Variants in C12orf56 observed in about 807,000 individuals in gnomAD.
The protein encoded by C12orf56 is uncharacterized protein C12orf56.
C12orf56 carries 71 observed loss-of-function variants against 69.9 expected under a neutral mutation model. The ratio of observed to expected loss-of-function variants is 1.02; its 90% CI spans 0.84 to 1.24. C12orf56 has a LOEUF of 1.24. C12orf56 is among the 50% of genes most tolerant of loss of function. The pLI is 0.00. For synonymous variants in C12orf56, 276 were observed against 274.1 expected, an observed-to-expected ratio of 1.01 and a Z score of -0.07; for missense variants, 732 against 738.5, an observed-to-expected ratio of 0.99 and a Z score of 0.10.
At chr12:64,278,117 A>G (rs1171827555) in intron 8 of C12orf56, among the ~76,000 whole-genome samples, 2 of 152,162 alleles carry the variant, frequency 1.3e-5, no homozygotes, top group Non-Finnish European at 2.9e-5. Context: ...TTTCCAAAGG[A>G]CTTTTTATGG....
intron 6 of C12orf56, among the ~76,000 whole-genome samples, chr12:64,295,004 G>A (rs2038346506): frequency 6.6e-6 from 1 of 151,756 alleles, no homozygotes. Context: ...GGTTTCAAGC[G>A]ATTTCCTGTC....
intron 4 of C12orf56, among the ~76,000 whole-genome samples, chr12:64,313,274 A>AAAAAAAAAAGAAAGAAAGAAAG (rs762664621): frequency 1.2e-5 from 1 of 81,426 alleles, no homozygotes; most frequent in Non-Finnish European, 2.3e-5. Context: ...AAAAAAAAAA[A>AAAAAAAAAAGAAAGAAAGAAAG]AAAGAAAGAA....
At chr12:64,378,969 T>A (rs2039676763) in intron 1 of C12orf56, among the ~76,000 whole-genome samples, 1 of 151,564 alleles carries the variant, frequency 6.6e-6, no homozygotes, top group Non-Finnish European at 1.5e-5. Flanking sequence ...GAGAATCACT[T>A]GAACCCAGGA....
rs552877837 is a variant in C12orf56, at chr12:64,298,635, G to A, written c.1113+5000C>T. Among the ~76,000 whole-genome samples, 209 of 152,254 alleles carry A rather than the reference G, an allele frequency of 1.4e-3. 1 individual carries two copies. The highest frequency in any genetic ancestry group is 2.0e-3 in the Non-Finnish European group (134 of 68,012). On this transcript the variant is annotated intron_variant, in intron 6 of 12. Coordinates refer to ENST00000543942, the MANE Select transcript of C12orf56 (RefSeq NM_001170633.2). ...TTTCCCAGCACCATTTATTAAATAG[G>A]GAATCCTTTCCCCATTGCTTGTTTG...
intron 2 of C12orf56, among the ~76,000 whole-genome samples, chr12:64,346,379 C>G (rs1235723142): frequency 6.6e-6 from 1 of 152,080 alleles, no homozygotes. Flanking sequence ...TTATGCCCAC[C>G]CAGATAAAGG....
chr12:64,314,655 T>C (rs990024777), intron 4 of C12orf56, among the ~76,000 whole-genome samples: 10 of 152,126 alleles, frequency 6.6e-5, no homozygotes, highest in African/African-American at 2.4e-4. Flanking sequence ...TTTTTTTTTT[T>C]TGAGACGGAG....
At chr12:64,362,962 A>G (rs1175939306) in intron 1 of C12orf56, among the ~76,000 whole-genome samples, 1 of 152,140 alleles carries the variant, frequency 6.6e-6, no homozygotes, top group East Asian at 1.9e-4. Flanking sequence ...CCTCATCGCC[A>G]TCTTGGTTTT....
At chr12:64,382,870 C>CA (rs57099747) in intron 1 of C12orf56, among the ~76,000 whole-genome samples, 96,002 of 132,132 alleles carry the variant, frequency 0.73, 34,975 homozygotes, top group Non-Finnish European at 0.77. Context: ...GACTCCGTTT[C>CA]AAAAAAAAAA....
intron 5 of C12orf56, 137 bp downstream of exon 5, chr12:64,312,542 G>C: frequency 1.7e-6 from 1 of 592,642 alleles, no homozygotes; most frequent in South Asian, 2.2e-5. Context: ...CCAGGAGGTA[G>C]AGGTTGCAGT....
At chr12:64,301,189 C>T (rs1158778966) in intron 6 of C12orf56, among the ~76,000 whole-genome samples, 1 of 152,142 alleles carries the variant, frequency 6.6e-6, no homozygotes, top group Non-Finnish European at 1.5e-5. Flanking sequence ...AACAACTGTT[C>T]CGGTACTGAC....
chr12:64,317,642 C>G (rs2038706186), intron 4 of C12orf56, among the ~76,000 whole-genome samples: 1 of 152,010 alleles, frequency 6.6e-6, no homozygotes, highest in African/African-American at 2.4e-5. Flanking sequence ...CAACTGTAAT[C>G]CCAGCTACTC....
In C12orf56 at chr12:64,328,706, AATATATATAT is replaced by A. The variant is rs138783628; in HGVS notation, c.488+2244_488+2253del. On this transcript the variant is annotated intron_variant, in intron 3 of 12. Coordinates refer to ENST00000543942, the MANE Select transcript of C12orf56 (RefSeq NM_001170633.2). ...AAAAAAAAAAAAAAAAAAAAAAAAAAATATATATATATATATATATATATATATATAGTAT... is the reference window on the plus strand; with the variant it reads ...AAAAAAAAAAAAAAAAAAAAAAAAAAATATATATATATATATATATAGTAT... 2.7e-3 allele frequency among the ~76,000 whole-genome samples: 41 copies of A among 15,106 alleles called. 1 individual carries two copies. The highest frequency in any genetic ancestry group is 8.2e-3 in the African/African-American group (38 of 4,638). The allele number at this position is 15,106 out of a possible 152,430, so 9.9% of individuals were successfully genotyped here.
chr12:64,279,852 C>T (rs1205439137), intron 8 of C12orf56, among the ~76,000 whole-genome samples: 1 of 152,178 alleles, frequency 6.6e-6, no homozygotes, highest in African/African-American at 2.4e-5. Flanking sequence ...ACAGAACACT[C>T]CCTTTAGAAG....
At chr12:64,351,533 T>C (rs7132482) in intron 2 of C12orf56, among the ~76,000 whole-genome samples, 70,113 of 151,998 alleles carry the variant, frequency 0.46, 16,350 homozygotes, top group Non-Finnish European at 0.48. Flanking sequence ...ATGGCATAAA[T>C]GAAGGGAACT....
rs748644044 is a variant in C12orf56, at chr12:64,307,368, C to CTTTTTT, written c.969-3595_969-3590dup. On this transcript the variant is annotated intron_variant, in intron 5 of 12. Coordinates refer to ENST00000543942, the MANE Select transcript of C12orf56 (RefSeq NM_001170633.2). ...TCTTTGGTATTGCTGATAGTCAGTC[C>CTTTTTT]TTTTTTTTTTTTTTTTTTTGAGACG... Among the ~76,000 whole-genome samples the CTTTTTT allele has an allele frequency of 9.0e-3, 1,042 of 115,182 alleles. 25 individuals carry two copies. The highest frequency in any genetic ancestry group is 0.011 in the Non-Finnish European group (631 of 58,810). The allele number at this position is 115,182 out of a possible 152,430, so 75.6% of individuals were successfully genotyped here.
intron 2 of C12orf56, chr12:64,338,476 G>T: frequency 2.2e-6 from 2 of 916,122 alleles, no homozygotes; most frequent in Non-Finnish European, 3.7e-6. Context: ...CTTATTTCCT[G>T]CAACAAACAA....
At chr12:64,316,671 C>G (rs1012791910) in intron 4 of C12orf56, among the ~76,000 whole-genome samples, 5 of 152,198 alleles carry the variant, frequency 3.3e-5, no homozygotes, top group Non-Finnish European at 7.3e-5. Flanking sequence ...AATCCCAGCT[C>G]TACACTAGCT....
At chr12:64,301,074 C>T (rs1331419416) in intron 6 of C12orf56, among the ~76,000 whole-genome samples, 2 of 152,206 alleles carry the variant, frequency 1.3e-5, no homozygotes, top group Non-Finnish European at 2.9e-5. Flanking sequence ...GCTTCCCCTT[C>T]GCCTTCTGTC....
At chr12:64,376,208 T>TG (rs373809954) in intron 1 of C12orf56, among the ~76,000 whole-genome samples, 1,893 of 152,332 alleles carry the variant, frequency 0.012, 24 homozygotes, top group Middle Eastern at 0.041. Context: ...TCATCCGTCA[T>TG]ATTCACCTGA....
Sources: allele counts gnomAD v4.1 joint callset (sites outside exome capture counted in the v4.1 genomes callset), GRCh38; gene constraint gnomAD v4.1.1; transcripts MANE v1.5; gene names NCBI Gene and HGNC (gene_info 2026-07-23, HGNC 2026-07-21).